LRRTM3: variants seen among roughly 807,000 people sequenced by gnomAD.
LRRTM3 encodes leucine-rich repeat transmembrane neuronal protein 3.
Under a neutral mutation model 44.7 loss-of-function variants are expected in LRRTM3, and 24 were observed. The observed-to-expected ratio is 0.54, with a 90% CI of 0.39 to 0.76. The LOEUF is 0.76. Ranked by LOEUF, LRRTM3 falls within the 30% of genes least tolerant of loss-of-function variation. The probability of loss-of-function intolerance (pLI) is 0.00; values close to 1 mark genes in which losing one functional copy is unlikely to be tolerated. For missense variants in LRRTM3, 587 were observed against 702.2 expected (o/e 0.84, Z 1.85); for synonymous variants, 277 against 278.7 (o/e 0.99, Z 0.06).
At position 67,092,566 on chromosome 10, in the gene LRRTM3, C is replaced by A. The variant is rs538767831; in HGVS notation, c.1537-5021C>A. On this transcript the variant is annotated intron_variant, in intron 2 of 2. Transcript: ENST00000361320. ...ATACAAAGATATTTGTACAAATATA[C>A]CTAGATATTACTTATATAGTTAATA... Among the ~76,000 whole-genome samples the A allele has an allele frequency of 1.8e-3, 277 of 151,774 alleles. 1 individual carries two copies. Among genetic ancestry groups the A allele is most frequent in the Middle Eastern group, 3.4e-3 (1 of 290 alleles).
intron 2 of LRRTM3, among the ~76,000 whole-genome samples, chr10:66,969,931 A>G (rs1849626926): frequency 6.6e-6 from 1 of 152,110 alleles, no homozygotes. Flanking sequence ...GAACCTCAGG[A>G]TTACTACATG....
Position 66,927,127 on chromosome 10 carries a change from A to G in LRRTM3, c.211A>G (p.Asn71Asp). The G allele has an allele frequency of 6.2e-7, 1 of 1,614,210 alleles. No homozygotes were observed. The highest frequency in any genetic ancestry group is 2.2e-5 in the East Asian group (1 of 44,880). ...TTGCTTAGGTTTGTCCCTTCGCTAT[A>G]ACAGCCTTCAAAAACTTAAGTATAA... ...AGCLGLSLRY[N>D]SLQKLKYNQF... Residue 71 changes from asparagine (N) to aspartate (D), a missense_variant, in exon 2 of 3, where the codon AAC becomes GAC. Asn to Asp is a conservative substitution (Grantham distance 23, BLOSUM62 1). Transcript: ENST00000361320. The surrounding 1 kb of genome is among the most constrained non-coding windows in gnomAD (Gnocchi z 4.7).
intron 2 of LRRTM3, among the ~76,000 whole-genome samples, chr10:67,072,795 T>A (rs1324979817): frequency 1.3e-5 from 2 of 152,146 alleles, no homozygotes; most frequent in Non-Finnish European, 2.9e-5. Flanking sequence ...TCAAAAAGAG[T>A]TCAATGGTAT....
At chr10:67,084,568 C>T (rs143887004) in intron 2 of LRRTM3, among the ~76,000 whole-genome samples, 125 of 152,018 alleles carry the variant, frequency 8.2e-4, no homozygotes, top group African/African-American at 2.9e-3. Flanking sequence ...ATTTCCTGAT[C>T]CTACATTAGA....
At chr10:66,935,682 G>C (rs1847656485) in intron 2 of LRRTM3, among the ~76,000 whole-genome samples, 1 of 151,856 alleles carries the variant, frequency 6.6e-6, no homozygotes, top group African/African-American at 2.4e-5. Context: ...ATAATGTGAA[G>C]ATATTTTGGT....
intron 2 of LRRTM3, among the ~76,000 whole-genome samples, chr10:67,001,998 G>C (rs936834598): frequency 3.3e-5 from 5 of 152,170 alleles, no homozygotes; most frequent in African/African-American, 4.8e-5. Context: ...ATGAGTCTTA[G>C]AGTCCGAAGA....
intron 2 of LRRTM3, among the ~76,000 whole-genome samples, chr10:67,031,806 A>G (rs1853746670): frequency 6.6e-6 from 1 of 152,210 alleles, no homozygotes. Context: ...ATGTCACAAG[A>G]TCATAAAATC....
intron 2 of LRRTM3, among the ~76,000 whole-genome samples, chr10:67,070,574 C>T (rs191196140): frequency 9.1e-4 from 139 of 152,158 alleles, no homozygotes; most frequent in Non-Finnish European, 1.7e-3. Context: ...TGGTGAAACC[C>T]CATCTCTAGT....
chr10:67,061,630 G>A (rs1392412896), intron 2 of LRRTM3, among the ~76,000 whole-genome samples: 1 of 152,180 alleles, frequency 6.6e-6, no homozygotes, highest in Non-Finnish European at 1.5e-5. Context: ...GAGAAAGGAT[G>A]TTCCACAGAA....
At chr10:66,952,087 G>C (rs1848565702) in intron 2 of LRRTM3, among the ~76,000 whole-genome samples, 1 of 152,144 alleles carries the variant, frequency 6.6e-6, no homozygotes, top group Non-Finnish European at 1.5e-5. Context: ...TTTCCAGCAT[G>C]CTGGGTCCAT....
At chr10:66,943,276 T>C (rs1434464510) in intron 2 of LRRTM3, among the ~76,000 whole-genome samples, 4 of 152,122 alleles carry the variant, frequency 2.6e-5, no homozygotes, top group Non-Finnish European at 1.5e-5. Context: ...ATAGAGCTGT[T>C]GTGTGGATTC....
At chr10:67,090,103 A>C (rs1857541542) in intron 2 of LRRTM3, among the ~76,000 whole-genome samples, 1 of 152,124 alleles carries the variant, frequency 6.6e-6, no homozygotes, top group African/African-American at 2.4e-5. Flanking sequence ...CAGGGATCTA[A>C]CTTTAAAAAC....
intron 2 of LRRTM3, among the ~76,000 whole-genome samples, chr10:67,047,922 A>C (rs1564853789): frequency 6.6e-6 from 1 of 152,064 alleles, no homozygotes; most frequent in Non-Finnish European, 1.5e-5. Context: ...GGGTGTTAAA[A>C]GATAATCTTG....
At chr10:66,978,547 A>AAAT (rs1850210567) in intron 2 of LRRTM3, among the ~76,000 whole-genome samples, 2 of 81,244 alleles carry the variant, frequency 2.5e-5, no homozygotes, top group Non-Finnish European at 5.9e-5. Context: ...AAAAAAAAAA[A>AAAT]AAAAAATATA....
intron 2 of LRRTM3, among the ~76,000 whole-genome samples, chr10:67,062,542 T>C (rs533885188): frequency 6.6e-6 from 1 of 152,284 alleles, no homozygotes; most frequent in South Asian, 2.1e-4. Context: ...TGTCTGCGTG[T>C]AGATATGGGG....
chr10:67,021,931 T>G (rs1454700001), intron 2 of LRRTM3, among the ~76,000 whole-genome samples: 1 of 152,168 alleles, frequency 6.6e-6, no homozygotes, highest in East Asian at 1.9e-4. Flanking sequence ...CCTGGTAGAA[T>G]AGTCAGAGAA....
At chr10:67,034,304 T>G (rs1853910872) in intron 2 of LRRTM3, among the ~76,000 whole-genome samples, 2 of 152,202 alleles carry the variant, frequency 1.3e-5, no homozygotes, top group Admixed American at 6.5e-5. Context: ...ATTTATTCAG[T>G]CATTCAACAA....
At chr10:67,086,832 T>C (rs1857339601) in intron 2 of LRRTM3, among the ~76,000 whole-genome samples, 1 of 152,036 alleles carries the variant, frequency 6.6e-6, no homozygotes. Flanking sequence ...TTATAATTTT[T>C]AATATAATGT....
In LRRTM3 at chr10:66,927,530, T is replaced by C; in HGVS notation, c.614T>C (p.Ile205Thr). ...GCCAGGAATGTCTTTGCTGGCATGA[T>C]CAGACTCAAAGAACTTCACCTGGAG... is the stretch of plus-strand genomic sequence containing the variant. ...SLARNVFAGM[I>T]RLKELHLEHN... The change falls in exon 2 of 3, where the codon ATC (isoleucine) becomes ACC (threonine). Residue 205 changes from isoleucine to threonine, a missense_variant. Physicochemically the swap from Ile to Thr is moderately conservative, Grantham distance 89. Coordinates refer to ENST00000361320, the MANE Select transcript of LRRTM3 (RefSeq NM_178011.5). This position sits in a 1 kb window ranked among gnomAD's most constrained non-coding sequence, Gnocchi z 4.7. The C allele has an allele frequency of 6.2e-7, 1 of 1,614,152 alleles. No homozygotes were observed.
Sources: gnomAD v4.1 joint callset for allele counts (sites outside exome capture counted in the v4.1 genomes callset) on GRCh38, gnomAD v4.1.1 for gene constraint, Gnocchi (gnomAD v3.1) non-coding constraint, MANE v1.5 for transcripts, NCBI Gene and HGNC (gene_info 2026-07-23, HGNC 2026-07-21) for gene names.